The following B3GALT1 variants were observed in gnomAD, a reference collection of about 807,000 sequenced individuals.
B3GALT1 encodes the protein UDP-Gal:betaGlcNAc beta 1,3-galactosyltransferase, polypeptide 1.
Under a neutral mutation model 23.2 loss-of-function variants are expected in B3GALT1, and 10 were observed. The observed-to-expected ratio is 0.43, with a 90% CI of 0.27 to 0.73. B3GALT1 has a LOEUF of 0.73. Ranked by LOEUF, B3GALT1 falls within the 30% of genes least tolerant of loss-of-function variation. The pLI, the probability that B3GALT1 is intolerant of heterozygous loss-of-function variation, is 0.21. For missense variants in B3GALT1, 299 were observed against 405.4 expected (o/e 0.74, Z 2.25); for synonymous variants, 156 against 141.5 (o/e 1.10, Z -0.73).
At chr2:167,404,422 C>G (rs1042283775) in intron 1 of B3GALT1, among the ~76,000 whole-genome samples, 1 of 152,028 alleles carries the variant, frequency 6.6e-6, no homozygotes, top group Non-Finnish European at 1.5e-5. Context: ...ATAAAATGGA[C>G]TATGTTGTGA....
chr2:167,793,419 C>T (rs367909072), intron 3 of B3GALT1, among the ~76,000 whole-genome samples: 3 of 152,078 alleles, frequency 2.0e-5, no homozygotes, highest in Non-Finnish European at 2.9e-5. Context: ...GGGTTCGCCC[C>T]GTCCTGGATC....
rs533343006 is a variant in B3GALT1 at position 167,562,245 on chromosome 2, A to C, written c.-410+71968A>C. Among the ~76,000 whole-genome samples the C allele has an allele frequency of 2.6e-4, 39 of 152,370 alleles. 2 individuals are homozygous for C. The East Asian group carries it at 6.9e-3, about 27-fold the overall frequency. On this transcript the variant is annotated intron_variant, in intron 2 of 4. Transcript: ENST00000392690. Reference sequence around the variant, plus strand: ...AATAGATGCAGAAAAGGCCTTTGACAAAATTCAACAACCCTTCATGCTAAA... The same window carrying C: ...AATAGATGCAGAAAAGGCCTTTGACCAAATTCAACAACCCTTCATGCTAAA...
At chr2:167,464,895 T>G (rs1409112949) in intron 1 of B3GALT1, among the ~76,000 whole-genome samples, 1 of 152,222 alleles carries the variant, frequency 6.6e-6, no homozygotes, top group African/African-American at 2.4e-5. Context: ...TTGTGGTCAT[T>G]CTGCTCAATT....
At chr2:167,836,542 T>G (rs1689477177) in intron 4 of B3GALT1, among the ~76,000 whole-genome samples, 1 of 152,208 alleles carries the variant, frequency 6.6e-6, no homozygotes, top group Non-Finnish European at 1.5e-5. Flanking sequence ...AGACCAAATC[T>G]ACGTCTGATT....
At chr2:167,336,654 T>C (rs1030711438) in intron 1 of B3GALT1, among the ~76,000 whole-genome samples, 1 of 152,224 alleles carries the variant, frequency 6.6e-6, no homozygotes, top group Non-Finnish European at 1.5e-5. Context: ...TTAGTAATTG[T>C]TTCCCATTTT....
intron 3 of B3GALT1, among the ~76,000 whole-genome samples, chr2:167,766,382 A>G (rs1193302311): frequency 6.6e-6 from 1 of 152,120 alleles, no homozygotes; most frequent in East Asian, 1.9e-4. Context: ...GTACTAGGGG[A>G]CTCCAAAAAG....
At chr2:167,792,409 G>C (rs891560666) in intron 3 of B3GALT1, among the ~76,000 whole-genome samples, 6 of 152,164 alleles carry the variant, frequency 3.9e-5, no homozygotes, top group Non-Finnish European at 1.5e-5. Flanking sequence ...AAATACCAAG[G>C]ATATTTTGAT....
intron 2 of B3GALT1, among the ~76,000 whole-genome samples, chr2:167,580,204 G>T (rs1313347264): frequency 6.6e-6 from 1 of 152,000 alleles, no homozygotes; most frequent in Non-Finnish European, 1.5e-5. Flanking sequence ...AAATTAAATA[G>T]GGCATTAAAC....
intron 1 of B3GALT1, among the ~76,000 whole-genome samples, chr2:167,398,357 C>T (rs1239638106): frequency 6.6e-6 from 1 of 152,064 alleles, no homozygotes; most frequent in East Asian, 1.9e-4. Context: ...TCTTTTCTCT[C>T]TCCCTTCCTT....
chr2:167,688,861 G>A (rs1190475402), intron 3 of B3GALT1, among the ~76,000 whole-genome samples: 2 of 152,036 alleles, frequency 1.3e-5, no homozygotes, highest in Non-Finnish European at 2.9e-5. Context: ...ACTGTAGTCA[G>A]CATCCACAAG....
intron 1 of B3GALT1, among the ~76,000 whole-genome samples, chr2:167,347,553 A>T (rs1446962989): frequency 2.0e-5 from 3 of 152,216 alleles, no homozygotes; most frequent in Non-Finnish European, 4.4e-5. Flanking sequence ...TATTTAAAAT[A>T]AAGGAAAATT....
chr2:167,636,487 A>G (rs1467430063), intron 2 of B3GALT1, among the ~76,000 whole-genome samples: 1 of 152,138 alleles, frequency 6.6e-6, no homozygotes, highest in Non-Finnish European at 1.5e-5. Context: ...ATTACTGGGT[A>G]TAAACCCAAA....
At position 167,649,752 on chromosome 2, in the gene B3GALT1, A is replaced by G. The variant is rs185168686; in HGVS notation, c.-352+2786A>G. Among the ~76,000 whole-genome samples the G allele has an allele frequency of 7.9e-5, 12 of 152,122 alleles. No individual in the cohort carries two copies. The East Asian group carries it at 2.3e-3, about 29-fold the overall frequency. On this transcript the variant is annotated intron_variant, in intron 3 of 4. Transcript: ENST00000392690. ...TATACTGAAATACAATTGTTTTTGT[A>G]TGTTGATCTTGTGTCCTACAAGTTT...
At chr2:167,456,893 G>A (rs114964464) in intron 1 of B3GALT1, among the ~76,000 whole-genome samples, 1,762 of 152,134 alleles carry the variant, frequency 0.012, 40 homozygotes, top group African/African-American at 0.041. Flanking sequence ...TCATTATGTA[G>A]GCATGATTAA....
intron 3 of B3GALT1, among the ~76,000 whole-genome samples, chr2:167,748,187 T>A (rs1238754990): frequency 1.3e-5 from 2 of 152,108 alleles, no homozygotes; most frequent in Non-Finnish European, 2.9e-5. Context: ...CAATGTGATA[T>A]GTGGGGAGTG....
At chr2:167,419,006 A>G (rs1574071366) in intron 1 of B3GALT1, among the ~76,000 whole-genome samples, 1 of 152,358 alleles carries the variant, frequency 6.6e-6, no homozygotes, top group East Asian at 1.9e-4. Flanking sequence ...TCACTGTAGG[A>G]ATGAGATGGC....
At chr2:167,425,010 A>C (rs554073674) in intron 1 of B3GALT1, among the ~76,000 whole-genome samples, 1 of 152,036 alleles carries the variant, frequency 6.6e-6, no homozygotes, top group East Asian at 1.9e-4. Context: ...TAATTTGTTT[A>C]CTCCTGCAAG....
chr2:167,774,874 C>G (rs1688135554), intron 3 of B3GALT1, among the ~76,000 whole-genome samples: 1 of 152,160 alleles, frequency 6.6e-6, no homozygotes, highest in African/African-American at 2.4e-5. Context: ...TATTAAAAAT[C>G]AAACTCACTA....
At chr2:167,654,000 A>G (rs1195908818) in intron 3 of B3GALT1, among the ~76,000 whole-genome samples, 1 of 152,184 alleles carries the variant, frequency 6.6e-6, no homozygotes, top group Non-Finnish European at 1.5e-5. Flanking sequence ...TAGACAAGAA[A>G]CAGGAGATGC....
Sources: gnomAD v4.1 joint callset for allele counts (sites outside exome capture counted in the v4.1 genomes callset) on GRCh38, gnomAD v4.1.1 for gene constraint, MANE v1.5 for transcripts, NCBI Gene and HGNC (gene_info 2026-07-23, HGNC 2026-07-21) for gene names.